The following SPAG16 variants were observed in gnomAD, a reference collection of about 807,000 sequenced individuals.
SPAG16 encodes the protein sperm associated antigen 16, also known as sperm-associated antigen 16 protein.
In SPAG16, 86 loss-of-function variants were observed where a neutral mutation model predicts 80.4. That is an observed-to-expected ratio of 1.07 (90% CI 0.90 to 1.28). SPAG16 has a LOEUF of 1.28. Ranked by LOEUF, SPAG16 falls within the 50% of genes most tolerant of loss-of-function variation. SPAG16 has a pLI of 0.00. For synonymous variants in SPAG16, 294 were observed against 265.9 expected (o/e 1.11, Z -1.03); for missense variants, 870 against 765.3 (o/e 1.14, Z -1.61).
intron 7 of SPAG16, among the ~76,000 whole-genome samples, chr2:213,356,717 T>C (rs1486689008): frequency 1.3e-5 from 2 of 152,194 alleles, no homozygotes; most frequent in Non-Finnish European, 2.9e-5. Context: ...TACTTTGATT[T>C]TTTGAAGGGT....
intron 10 of SPAG16, among the ~76,000 whole-genome samples, chr2:213,709,934 T>C (rs1161442075): frequency 6.6e-6 from 1 of 152,224 alleles, no homozygotes; most frequent in Admixed American, 6.5e-5. Flanking sequence ...ATTTTGCTAT[T>C]GAAATCAATG....
chr2:213,616,335 T>C (rs1212397786), intron 10 of SPAG16, among the ~76,000 whole-genome samples: 1 of 152,242 alleles, frequency 6.6e-6, no homozygotes, highest in Non-Finnish European at 1.5e-5. Flanking sequence ...TTGGCACAGT[T>C]AACTATTTCT....
rs181017826 is a variant in SPAG16 at position 213,434,801 on chromosome 2, A to G, written c.943-55162A>G. On this transcript the variant is annotated intron_variant, in intron 9 of 15. Coordinates refer to ENST00000331683, the MANE Select transcript of SPAG16 (RefSeq NM_024532.5). ...TATGGCCAGTTATAAAATGGAAAAA[A>G]TATAATAGACTTTGTGAGGATGCAG... 2.7e-3 allele frequency among the ~76,000 whole-genome samples: 405 copies of G among 152,340 alleles called. 16 individuals carry two copies. The highest frequency in any genetic ancestry group is 2.6e-4 in the Non-Finnish European group (18 of 68,026).
At chr2:214,313,951 A>G (rs533087321) in intron 15 of SPAG16, among the ~76,000 whole-genome samples, 4 of 152,310 alleles carry the variant, frequency 2.6e-5, no homozygotes, top group African/African-American at 9.6e-5. Context: ...AATTCAAAAT[A>G]TATGATTATG....
intron 13 of SPAG16, among the ~76,000 whole-genome samples, chr2:214,029,961 C>T (rs894311725): frequency 3.3e-5 from 5 of 151,946 alleles, no homozygotes; most frequent in Admixed American, 6.6e-5. Context: ...CAAAAGTTTC[C>T]GTGTGTGTGT....
At chr2:214,109,736 G>C (rs1045791269) in intron 14 of SPAG16, among the ~76,000 whole-genome samples, 2 of 152,096 alleles carry the variant, frequency 1.3e-5, no homozygotes, top group Non-Finnish European at 2.9e-5. Context: ...ATTTTCTGTA[G>C]TGAGCCAATT....
At chr2:214,396,661 T>C (rs1701401287) in intron 15 of SPAG16, among the ~76,000 whole-genome samples, 1 of 152,150 alleles carries the variant, frequency 6.6e-6, no homozygotes, top group South Asian at 2.1e-4. Context: ...CCAAAGAATA[T>C]ATTTTTAAAT....
At chr2:214,268,848 C>A (rs1048637636) in intron 15 of SPAG16, among the ~76,000 whole-genome samples, 1 of 151,790 alleles carries the variant, frequency 6.6e-6, no homozygotes, top group Non-Finnish European at 1.5e-5. Context: ...ACAGGCCATG[C>A]ATGGAAGAGC....
chr2:213,732,223 G>T (rs1323394458), intron 10 of SPAG16, among the ~76,000 whole-genome samples: 1 of 152,120 alleles, frequency 6.6e-6, no homozygotes, highest in Admixed American at 6.5e-5. Flanking sequence ...TCAGATGGTT[G>T]TAGATGAGTG....
At chr2:213,998,765 A>G (rs1295573697) in intron 12 of SPAG16, among the ~76,000 whole-genome samples, 1 of 152,220 alleles carries the variant, frequency 6.6e-6, no homozygotes, top group Admixed American at 6.5e-5. Context: ...ACTAAGGTCC[A>G]GGCTGAGGTG....
In SPAG16 at chr2:214,027,085, T is replaced by C. The variant is rs567860376; in HGVS notation, c.1527+13008T>C. On this transcript the variant is annotated intron_variant, in intron 13 of 15. Coordinates refer to ENST00000331683, the MANE Select transcript of SPAG16 (RefSeq NM_024532.5). ...TTTCATTATCACACAAGTAAAACAC[T>C]ATTCAGTGTAGGAAAGAGTAGACTT... Among the ~76,000 whole-genome samples the C allele has an allele frequency of 2.6e-5, 4 of 151,706 alleles. 1 individual carries two copies. In the South Asian group the frequency reaches 8.3e-4, roughly 31 times the overall value.
chr2:213,371,868 A>G (rs1342850916), intron 8 of SPAG16, among the ~76,000 whole-genome samples: 1 of 152,164 alleles, frequency 6.6e-6, no homozygotes, highest in Non-Finnish European at 1.5e-5. Flanking sequence ...TCACCCCGTA[A>G]TTGCTGCCAT....
intron 10 of SPAG16, among the ~76,000 whole-genome samples, chr2:213,841,082 A>C (rs13427242): frequency 0.023 from 3,575 of 152,234 alleles, 144 homozygotes; most frequent in African/African-American, 0.082. Context: ...CCTGCAATAC[A>C]CACAAAGGAC....
At chr2:213,445,275 C>CA (rs1254018624) in intron 9 of SPAG16, among the ~76,000 whole-genome samples, 1 of 152,116 alleles carries the variant, frequency 6.6e-6, no homozygotes. Flanking sequence ...GATTAATAAC[C>CA]AGAGTATATA....
intron 15 of SPAG16, among the ~76,000 whole-genome samples, chr2:214,233,536 A>G (rs773010512): frequency 2.0e-5 from 3 of 152,088 alleles, no homozygotes; most frequent in Non-Finnish European, 4.4e-5. Context: ...GTCATGGTAC[A>G]TACTTTGGAA....
At chr2:214,048,775 A>C (rs1162929620) in intron 13 of SPAG16, among the ~76,000 whole-genome samples, 1 of 152,230 alleles carries the variant, frequency 6.6e-6, no homozygotes, top group Non-Finnish European at 1.5e-5. Flanking sequence ...TGATTATTAC[A>C]CATTGCATGC....
chr2:213,719,202 T>G (rs1353182083), intron 10 of SPAG16, among the ~76,000 whole-genome samples: 1 of 152,110 alleles, frequency 6.6e-6, no homozygotes, highest in African/African-American at 2.4e-5. Context: ...TCAAGGTTTG[T>G]GAGTGCACCA....
chr2:214,379,012 C>T lies in SPAG16; in HGVS notation c.1721-31128C>T, dbSNP rs1700294206. ...TGGCAACGTGCCCAGCACCTTGGCT[C>T]ATCATACCACCGTCTGGCTTACCTG... On this transcript the variant is annotated intron_variant, in intron 15 of 15. Transcript: ENST00000331683. Among the ~76,000 whole-genome samples the T allele has an allele frequency of 2.0e-5, 3 of 152,162 alleles. No homozygotes were observed. The South Asian group carries it at 6.2e-4, about 32-fold the overall frequency.
intron 13 of SPAG16, among the ~76,000 whole-genome samples, chr2:214,075,964 A>G (rs928562214): frequency 6.6e-6 from 1 of 152,158 alleles, no homozygotes; most frequent in Non-Finnish European, 1.5e-5. Context: ...TCTTTCTGTC[A>G]TATCCCCTTA....
Sources: gnomAD v4.1 joint callset for allele counts (sites outside exome capture counted in the v4.1 genomes callset) on GRCh38, gnomAD v4.1.1 for gene constraint, MANE v1.5 for transcripts, NCBI Gene and HGNC (gene_info 2026-07-23, HGNC 2026-07-21) for gene names.